The following CCNE2 variants were observed in gnomAD, a reference collection of about 807,000 sequenced individuals.
CCNE2 encodes the protein G1/S-specific cyclin-E2.
In CCNE2, 18 loss-of-function variants were observed where a neutral mutation model predicts 56.8. That is an observed-to-expected ratio of 0.32 (90% CI 0.22 to 0.47). CCNE2 has a LOEUF of 0.47. Ranked by LOEUF, CCNE2 falls within the 20% of genes least tolerant of loss-of-function variation. The pLI, the probability that CCNE2 is intolerant of heterozygous loss-of-function variation, is 1.00. For synonymous variants in CCNE2, 139 were observed against 149.2 expected (o/e 0.93, Z 0.50); for missense variants, 371 against 467.1 (o/e 0.79, Z 1.90).
chr8:94,893,623 T>G, intron 4 of CCNE2: 1 of 481,742 alleles, frequency 2.1e-6, no homozygotes, highest in Non-Finnish European at 3.7e-6. Context: ...ATTGGACAGA[T>G]TAGGCGGGCC....
intron 9 of CCNE2, 106 bp from the exon 10 acceptor site, chr8:94,882,998 A>T: frequency 1.4e-6 from 1 of 707,992 alleles, no homozygotes; most frequent in South Asian, 1.7e-5. Flanking sequence ...CCACCCGGCC[A>T]GGCGCGGTGG....
Position 94,882,119 on chromosome 8 carries a change from C to T in CCNE2, c.1101+13G>A. On this transcript the variant is annotated intron_variant, in intron 11 of 11. Coordinates refer to ENST00000308108, the MANE Select transcript of CCNE2 (RefSeq NM_057749.3). Reference sequence around the variant, plus strand: ...TCAGATAGCAAAGCCAAAAAACTCACAAAAAAACATACCAGCATAGCCAAA... The same window carrying T: ...TCAGATAGCAAAGCCAAAAAACTCATAAAAAAACATACCAGCATAGCCAAA... 1.9e-6 allele frequency: 3 copies of T among 1,591,846 alleles called. No homozygotes were observed. Among genetic ancestry groups the T allele is most frequent in the Non-Finnish European group, 2.6e-6 (3 of 1,169,058 alleles).
chr8:94,883,149 G>A (rs575779396), intron 9 of CCNE2, among the ~76,000 whole-genome samples: 2 of 152,162 alleles, frequency 1.3e-5, no homozygotes, highest in South Asian at 2.1e-4. Flanking sequence ...GGTGGCACGC[G>A]CCTGTAGTCC....
At position 94,880,703 on chromosome 8, in the gene CCNE2, G is replaced by A. The variant is rs1194395323; in HGVS notation, c.*929C>T. 8 of 394,722 alleles carry A rather than the reference G, an allele frequency of 2.0e-5. No homozygotes were observed. The highest frequency in any genetic ancestry group is 3.6e-5 in the Non-Finnish European group (8 of 224,338). The allele number at this position is 394,722 out of a possible 1,614,324, so 24.5% of individuals were successfully genotyped here. The stretch of plus-strand genomic sequence containing the variant: ...GACACTGTCCTTATCTCACAATGGA[G>A]GAATTTAGAAAGGACCTTAACAGTT... On this transcript the variant is annotated 3_prime_UTR_variant, in exon 12 of 12. Transcript: ENST00000308108.
At chr8:94,895,788 A>C (rs1817487367), upstream of CCNE2, 1 of 152,402 alleles carries the variant, frequency 6.6e-6, no homozygotes, top group Non-Finnish European at 1.5e-5. Flanking sequence ...GAGTGGCTGC[A>C]GAATGTAAAC....
At chr8:94,891,030 A>G (rs187955255) in intron 5 of CCNE2, among the ~76,000 whole-genome samples, 3 of 152,364 alleles carry the variant, frequency 2.0e-5, no homozygotes, top group Non-Finnish European at 4.4e-5. Flanking sequence ...TAAGAAAAAA[A>G]ACTTCTGCCT....
chr8:94,890,687 G>A (rs1817207742), intron 5 of CCNE2, 137 bp from the exon 6 acceptor site: 3 of 218,200 alleles, frequency 1.4e-5, no homozygotes. Context: ...CCACCTCCTG[G>A]GTTCAAGCGA....
At chr8:94,884,069 A>G in intron 9 of CCNE2, 1 of 304,742 alleles carries the variant, frequency 3.3e-6, no homozygotes, top group Non-Finnish European at 6.9e-6. Flanking sequence ...GAAAAAATTA[A>G]GCTTTTAATA....
chr8:94,888,736 G>A (rs1282265402), intron 6 of CCNE2, among the ~76,000 whole-genome samples: 1 of 152,138 alleles, frequency 6.6e-6, no homozygotes, highest in Non-Finnish European at 1.5e-5. Context: ...ATGTTGGCCA[G>A]GCTGGTCTCA....
chr8:94,889,105 G>GC (rs1470917454), intron 6 of CCNE2, among the ~76,000 whole-genome samples: 4 of 151,500 alleles, frequency 2.6e-5, no homozygotes, highest in Admixed American at 1.3e-4. Flanking sequence ...CTGAGATCGT[G>GC]CCATTCCATT....
rs372030088 is a variant in CCNE2, at chr8:94,887,965, T to A, written c.562A>T (p.Ile188Phe). ...GCAATGAATAATGAGGTAATTCCAA[T>A]GAGTTGAAGCATATTTTTATTTATA... is the stretch of plus-strand genomic sequence containing the variant. ...KDINKNMLQL[I>F]GITSLFIASK... Residue 188 changes from isoleucine (I) to phenylalanine (F), a missense_variant, in exon 7 of 12, where the codon ATT becomes TTT. By Grantham distance (21) the Ile-to-Phe change is conservative. Coordinates refer to ENST00000308108, the MANE Select transcript of CCNE2 (RefSeq NM_057749.3). The A allele has an allele frequency of 3.1e-6, 5 of 1,596,550 alleles. No individual in the cohort carries two copies. Among genetic ancestry groups the A allele is most frequent in the Non-Finnish European group, 4.3e-6 (5 of 1,173,150 alleles).
At position 94,894,006 on chromosome 8, in the gene CCNE2, C is replaced by T; in HGVS notation, c.111+17G>A. 2 of 1,613,994 alleles carry T rather than the reference C, an allele frequency of 1.2e-6. No individual in the cohort carries two copies. The highest frequency in any genetic ancestry group is 1.7e-6 in the Non-Finnish European group (2 of 1,179,936). The stretch of plus-strand genomic sequence containing the variant: ...CCAGCATGGAATTTCGTTCCTCCCT[C>T]TTTCTCCTTAAATCACCTGGGTAGT... On this transcript the variant is annotated intron_variant, in intron 3 of 11. Transcript: ENST00000308108.
intron 7 of CCNE2, among the ~76,000 whole-genome samples, chr8:94,887,240 T>A (rs1817070863): frequency 1.3e-5 from 2 of 152,188 alleles, no homozygotes; most frequent in Admixed American, 6.5e-5. Context: ...GTGCGGTGGC[T>A]CATGCCTGTA....
In CCNE2 at chr8:94,892,952, T is replaced by G; in HGVS notation, c.183A>C (p.Val61=). The G allele has an allele frequency of 6.5e-7, 1 of 1,535,366 alleles. No individual in the cohort carries two copies. Among genetic ancestry groups the G allele is most frequent in the East Asian group, 2.5e-5 (1 of 39,322 alleles). ...TGCAAGGACTGATCCCCCCAGATAA[T>G]ACAGGTGGCCAACAATTCTGTCATA... is the stretch of plus-strand genomic sequence containing the variant. ...QYEIRNCWPP[V]LSGGISPCII... The change falls in exon 5 of 12, where the codon GTA becomes GTC. Residue 61 remains valine (V), a synonymous_variant. Coordinates refer to ENST00000308108, the MANE Select transcript of CCNE2 (RefSeq NM_057749.3).
In CCNE2 at chr8:94,881,251, A is replaced by AGT. The variant is rs1439378185; in HGVS notation, c.*379_*380dup. 2 of 353,610 alleles carry AGT rather than the reference A, an allele frequency of 5.7e-6. No homozygotes were observed. Among genetic ancestry groups the AGT allele is most frequent in the African/African-American group, 4.2e-5 (2 of 47,862 alleles). 21.9% of individuals were successfully genotyped at this position (353,610 alleles called of 1,614,324 possible). ...CTAGATTCAAAGTACTGTATCACTT[A>AGT]GTATACCCTTTAAGGTAGCACTTAT... On this transcript the variant is annotated 3_prime_UTR_variant, in exon 12 of 12. Transcript: ENST00000308108.
At chr8:94,892,137 G>C in intron 5 of CCNE2, 1 of 557,624 alleles carries the variant, frequency 1.8e-6, no homozygotes, top group Non-Finnish European at 3.4e-6. Flanking sequence ...GCAATTAAAA[G>C]TGAAAAAAAA....
chr8:94,882,319 A>C (rs374512238), intron 10 of CCNE2, 30 bp from the exon 11 acceptor site: 31 of 1,547,532 alleles, frequency 2.0e-5, no homozygotes, highest in Non-Finnish European at 2.7e-5. Flanking sequence ...TTAGAAAAGC[A>C]TGAAGGTTGT....
upstream of CCNE2, chr8:94,895,206 G>A (rs975500230): frequency 1.4e-5 from 14 of 985,814 alleles, no homozygotes; most frequent in South Asian, 2.3e-4. Context: ...CGGCTCAGCT[G>A]GCGCCGGCGC....
At chr8:94,892,719 C>T (rs1055359983) in intron 5 of CCNE2, 99 bp downstream of exon 5, 11 of 636,476 alleles carry the variant, frequency 1.7e-5, no homozygotes, top group Admixed American at 1.2e-4. Context: ...AATTTTTACA[C>T]GTTTTTCTAC....
Sources: gnomAD v4.1 joint callset for allele counts (sites outside exome capture counted in the v4.1 genomes callset) on GRCh38, gnomAD v4.1.1 for gene constraint, MANE v1.5 for transcripts, NCBI Gene and HGNC (gene_info 2026-07-23, HGNC 2026-07-21) for gene names.